The following PPP1R3B variants were observed in gnomAD, a reference collection of about 807,000 sequenced individuals.
PPP1R3B encodes the protein protein phosphatase 1 regulatory subunit 3B, also known as PP1 subunit R4.
Under a neutral mutation model 14.6 loss-of-function variants are expected in PPP1R3B, and 8 were observed. That is an observed-to-expected ratio of 0.55 (90% confidence interval 0.32 to 0.99). The LOEUF is 0.99. Ranked by LOEUF, PPP1R3B falls within the 50% of genes least tolerant of loss-of-function variation. The pLI is 0.04. For missense variants in PPP1R3B, 452 were observed against 360.1 expected (o/e 1.26, Z -2.07); for synonymous variants, 169 against 142.0 (o/e 1.19, Z -1.35).
chr8:9,151,086 C>A (rs1050493244), upstream of PPP1R3B, among the ~76,000 whole-genome samples: 7 of 152,168 alleles, frequency 4.6e-5, no homozygotes, highest in Admixed American at 3.9e-4. Flanking sequence ...TCCCGGGTCA[C>A]GGTCGCAGCC....
Position 9,139,749 on chromosome 8 carries a change from C to G in PPP1R3B, c.*1045G>C, listed in dbSNP as rs1406019757. Reference sequence around the variant, plus strand: ...TATTTTTAGTAGAGACAGGGTTTCACCGTGTTAGCCAGGATGGTCTCGATC... The same window carrying G: ...TATTTTTAGTAGAGACAGGGTTTCAGCGTGTTAGCCAGGATGGTCTCGATC... On this transcript the variant is annotated 3_prime_UTR_variant, in exon 2 of 2. Coordinates refer to ENST00000310455, the MANE Select transcript of PPP1R3B (RefSeq NM_024607.4). The G allele has an allele frequency of 6.6e-6, 1 of 152,066 alleles. No homozygotes were observed. Among genetic ancestry groups the G allele is most frequent in the Non-Finnish European group, 1.5e-5 (1 of 68,030 alleles). The allele number at this position is 152,066 out of a possible 1,614,324, so 9.4% of individuals were successfully genotyped here. A position where few individuals can be genotyped will look rare whatever the true frequency, so the allele number is the denominator to read the frequency against.
rs1335585526 is a variant in PPP1R3B, at chr8:9,138,798, A to C, written c.*1996T>G. Reference sequence around the variant, plus strand: ...AACTCCAAAAACAAACAAAAATAGAAAATAAAAAACCAACTTCCTACAAGT... The same window carrying C: ...AACTCCAAAAACAAACAAAAATAGACAATAAAAAACCAACTTCCTACAAGT... On this transcript the variant is annotated 3_prime_UTR_variant, in exon 2 of 2. Coordinates refer to ENST00000310455, the MANE Select transcript of PPP1R3B (RefSeq NM_024607.4). The C allele has an allele frequency of 6.6e-6, 1 of 152,244 alleles. No homozygotes were observed. Among genetic ancestry groups the C allele is most frequent in the Non-Finnish European group, 1.5e-5 (1 of 68,048 alleles). The allele number at this position is 152,244 out of a possible 1,614,324, so 9.4% of individuals were successfully genotyped here. A position where few individuals can be genotyped will look rare whatever the true frequency, so the allele number is the denominator to read the frequency against.
At chr8:9,147,090 C>T (rs565416519) in intron 1 of PPP1R3B, among the ~76,000 whole-genome samples, 1 of 152,090 alleles carries the variant, frequency 6.6e-6, no homozygotes, top group Admixed American at 6.6e-5. Flanking sequence ...TCAAGCGATT[C>T]TCCTGCCTCA....
intron 1 of PPP1R3B, among the ~76,000 whole-genome samples, chr8:9,148,788 T>C (rs1011024858): frequency 1.3e-5 from 2 of 152,228 alleles, no homozygotes; most frequent in Non-Finnish European, 2.9e-5. Flanking sequence ...GCTGAACTAC[T>C]GACTTTCTGG....
In PPP1R3B at chr8:9,137,451, G is replaced by A. The variant is rs1384443066; in HGVS notation, c.*3343C>T. The A allele has an allele frequency of 6.6e-6, 1 of 152,182 alleles. No individual in the cohort carries two copies. Among genetic ancestry groups the A allele is most frequent in the Non-Finnish European group, 1.5e-5 (1 of 68,050 alleles). The allele number at this position is 152,182 out of a possible 1,614,324, so 9.4% of individuals were successfully genotyped here. On this transcript the variant is annotated 3_prime_UTR_variant, in exon 2 of 2. Coordinates refer to ENST00000310455, the MANE Select transcript of PPP1R3B (RefSeq NM_024607.4). The stretch of plus-strand genomic sequence containing the variant: ...AACCATAACCAAGAGCTGTCTGAAG[G>A]CAAATCTACAAGTCAAGGTGCAGTG...
At chr8:9,143,246 T>C (rs959631861) in intron 1 of PPP1R3B, among the ~76,000 whole-genome samples, 1 of 152,220 alleles carries the variant, frequency 6.6e-6, no homozygotes, top group Non-Finnish European at 1.5e-5. Context: ...ATATTTGCTA[T>C]AATCTGATAA....
chr8:9,150,014 C>A (rs577678941), intron 1 of PPP1R3B, among the ~76,000 whole-genome samples: 1 of 152,342 alleles, frequency 6.6e-6, no homozygotes, highest in South Asian at 2.1e-4. Context: ...TTGTATGTTG[C>A]GACCCACCCC....
intron 1 of PPP1R3B, among the ~76,000 whole-genome samples, chr8:9,149,070 G>T (rs564170967): frequency 4.0e-5 from 6 of 150,482 alleles, no homozygotes; most frequent in Non-Finnish European, 8.9e-5. Context: ...GCGGGCGCCT[G>T]TAGTCCCAGC....
In PPP1R3B at chr8:9,141,356, A is replaced by G. The variant is rs545441412; in HGVS notation, c.296T>C (p.Ile99Thr). 5.8e-5 allele frequency: 94 copies of G among 1,614,166 alleles called. 1 individual carries two copies. The South Asian group carries it at 9.8e-4, about 17-fold the overall frequency. Reference protein sequence around the residue: ...PFNITELLDNIVSLTTAESES... With the variant: ...PFNITELLDNTVSLTTAESES... ...GCTCTCTGCTGTCGTCAAGCTCACA[A>G]TGTTGTCTAGGAGCTCGGTGATGTT... The change falls in exon 2 of 2, where the codon ATT (isoleucine) becomes ACT (threonine). Residue 99 changes from isoleucine to threonine, a missense_variant. Coordinates refer to ENST00000310455, the MANE Select transcript of PPP1R3B (RefSeq NM_024607.4).
Position 9,141,618 on chromosome 8 carries a change from A to G in PPP1R3B, c.34T>C (p.Cys12Arg), listed in dbSNP as rs763923828. 3.1e-6 allele frequency: 5 copies of G among 1,613,954 alleles called. No individual in the cohort carries two copies. The highest frequency in any genetic ancestry group is 1.3e-5 in the African/African-American group (1 of 75,028). ...MAVDIEYRYN[C>R]MAPSLRQERF... ...TCTTGGCGCAAGGAAGGAGCCATGC[A>G]GTTGTATCTGTACTCGATGTCCACA... The change falls in exon 2 of 2, where the codon TGC becomes CGC. Residue 12 changes from cysteine to arginine, a missense_variant. Physicochemically the swap from Cys to Arg is radical, Grantham distance 180. Transcript: ENST00000310455.
At position 9,141,909 on chromosome 8, in the gene PPP1R3B, C is replaced by G. The variant is rs776848802; in HGVS notation, c.-17-241G>C. 8.1e-5 allele frequency: 33 copies of G among 408,382 alleles called. 1 individual carries two copies. In the East Asian group the frequency reaches 9.6e-4, roughly 12 times the overall value. 25.3% of individuals were successfully genotyped at this position (408,382 alleles called of 1,614,324 possible). On this transcript the variant is annotated intron_variant, in intron 1 of 1. Coordinates refer to ENST00000310455, the MANE Select transcript of PPP1R3B (RefSeq NM_024607.4). ...GGGGGTGCTTCAAGGTTAAAACAAA[C>G]AAAAGAGTATGAAACCCACTAGTTT...
chr8:9,149,259 G>T (rs1374826620), intron 1 of PPP1R3B, among the ~76,000 whole-genome samples: 18 of 148,316 alleles, frequency 1.2e-4, no homozygotes, highest in African/African-American at 4.2e-4. Context: ...CCAGCACTTT[G>T]GGAGGCCGAG....
intron 1 of PPP1R3B, 117 bp from the exon 2 acceptor site, chr8:9,141,785 C>G (rs1030227283): frequency 3.0e-6 from 3 of 990,830 alleles, no homozygotes; most frequent in Middle Eastern, 3.0e-4. Flanking sequence ...TTATCTATGC[C>G]CACCTGGCTA....
chr8:9,144,334 T>C (rs1161800160), intron 1 of PPP1R3B, among the ~76,000 whole-genome samples: 1 of 151,658 alleles, frequency 6.6e-6, no homozygotes, highest in African/African-American at 2.4e-5. Flanking sequence ...ACCACAGGCA[T>C]GAGCCACCAT....
intron 1 of PPP1R3B, among the ~76,000 whole-genome samples, chr8:9,146,448 TATAA>T (rs1801243506): frequency 6.6e-6 from 1 of 152,184 alleles, no homozygotes; most frequent in Non-Finnish European, 1.5e-5. Context: ...GGTTCAGTTC[TATAA>T]ATAACCTCTC....
At chr8:9,144,527 C>T (rs539440334) in intron 1 of PPP1R3B, among the ~76,000 whole-genome samples, 3 of 152,182 alleles carry the variant, frequency 2.0e-5, no homozygotes, top group African/African-American at 7.2e-5. Flanking sequence ...AAAATTGGTA[C>T]AAACTTTCTA....
chr8:9,147,073 T>C (rs2117616934), intron 1 of PPP1R3B, among the ~76,000 whole-genome samples: 1 of 151,966 alleles, frequency 6.6e-6, no homozygotes, highest in East Asian at 1.9e-4. Flanking sequence ...ACCTCTGCCA[T>C]CCGGGTTCAA....
chr8:9,145,347 T>C (rs1165759319), intron 1 of PPP1R3B: 1 of 152,310 alleles, frequency 6.6e-6, no homozygotes, highest in Non-Finnish European at 1.5e-5. Context: ...CTACTCAACG[T>C]GAAGAGGATG....
At chr8:9,151,181 A>G (rs1034321768), upstream of PPP1R3B, among the ~76,000 whole-genome samples, 5 of 152,148 alleles carry the variant, frequency 3.3e-5, no homozygotes, top group African/African-American at 1.2e-4. Context: ...CGCTGAAGCA[A>G]CAGCTCCCTG....
Sources: allele counts gnomAD v4.1 joint callset (sites outside exome capture counted in the v4.1 genomes callset), GRCh38; gene constraint gnomAD v4.1.1; transcripts MANE v1.5; gene names NCBI Gene and HGNC (gene_info 2026-07-23, HGNC 2026-07-21).